The following FSTL4 variants were observed in gnomAD, a reference collection of about 807,000 sequenced individuals.
FSTL4 encodes follistatin like 4.
FSTL4 carries 28 observed loss-of-function variants against 78.2 expected under a neutral mutation model. The observed-to-expected ratio is 0.36, with a 90% CI of 0.27 to 0.49. The LOEUF is 0.49. FSTL4 is among the 20% of genes least tolerant of loss of function. The pLI is 0.98. For missense variants in FSTL4, 922 were observed against 1,084.9 expected (o/e 0.85, Z 2.11); for synonymous variants, 422 against 440.5 (o/e 0.96, Z 0.53).
At chr5:133,247,132 G>A (rs1752061977) in intron 7 of FSTL4, 1 of 152,252 alleles carries the variant, frequency 6.6e-6, no homozygotes, top group Non-Finnish European at 1.5e-5. Context: ...TGCGGGGCTG[G>A]TGCTGCCCTG....
At chr5:133,394,661 G>A (rs190611545) in intron 4 of FSTL4, among the ~76,000 whole-genome samples, 17 of 152,330 alleles carry the variant, frequency 1.1e-4, no homozygotes, top group East Asian at 7.7e-4. Context: ...TGCGTGGCCC[G>A]AGCCTCCCCA....
chr5:133,472,905 C>A (rs1757852702), intron 3 of FSTL4, among the ~76,000 whole-genome samples: 1 of 152,232 alleles, frequency 6.6e-6, no homozygotes, highest in Admixed American at 6.5e-5. Flanking sequence ...GGCCTTGGTG[C>A]CTGTACTCCC....
chr5:133,797,032 G>A, the FSTL4 span, among the ~76,000 whole-genome samples: 1 of 152,074 alleles, frequency 6.6e-6, no homozygotes, highest in Non-Finnish European at 1.5e-5. Flanking sequence ...TCTTGTTAAT[G>A]GAAAAAGCAA....
chr5:133,700,436 A>ACACCACACCAAACCATCACACCAAGC, the FSTL4 span, among the ~76,000 whole-genome samples: 2 of 126,924 alleles, frequency 1.6e-5, no homozygotes. Context: ...ATCACACCAA[A>ACACCACACCAAACCATCACACCAAGC]CACCACACCA....
At chr5:133,281,768 G>T (rs1456653573) in intron 6 of FSTL4, among the ~76,000 whole-genome samples, 1 of 152,188 alleles carries the variant, frequency 6.6e-6, no homozygotes, top group Non-Finnish European at 1.5e-5. Flanking sequence ...ATGAAGAGGG[G>T]ATATAGATTT....
the FSTL4 span, among the ~76,000 whole-genome samples, chr5:133,775,868 T>C: frequency 1.3e-5 from 2 of 152,192 alleles, no homozygotes; most frequent in East Asian, 1.9e-4. Context: ...TAAAAGACGA[T>C]GGTGAAGGGA....
intron 3 of FSTL4, among the ~76,000 whole-genome samples, chr5:133,414,938 G>T (rs987427063): frequency 6.6e-6 from 1 of 152,158 alleles, no homozygotes; most frequent in East Asian, 1.9e-4. Flanking sequence ...CTATTAATGG[G>T]ATACAATGGA....
chr5:133,830,458 T>C, the FSTL4 span, among the ~76,000 whole-genome samples: 11 of 152,296 alleles, frequency 7.2e-5, no homozygotes, highest in Admixed American at 2.0e-4. Context: ...GGCACAGGGC[T>C]GGGGCAAGGC....
chr5:133,841,943 A>G, the FSTL4 span, among the ~76,000 whole-genome samples: 40 of 152,228 alleles, frequency 2.6e-4, no homozygotes, highest in Admixed American at 2.4e-3. Flanking sequence ...AAAGGGGTCT[A>G]GGGCTTACCT....
the FSTL4 span, among the ~76,000 whole-genome samples, chr5:133,791,077 C>T: frequency 6.6e-6 from 1 of 152,220 alleles, no homozygotes; most frequent in African/African-American, 2.4e-5. Flanking sequence ...AGCCACACTG[C>T]CTCCTTGCTG....
chr5:133,715,812 C>G, the FSTL4 span, among the ~76,000 whole-genome samples: 1 of 152,216 alleles, frequency 6.6e-6, no homozygotes, highest in Non-Finnish European at 1.5e-5. Context: ...GAAGGAGACT[C>G]TCATGCAGCC....
chr5:133,402,962 C>T (rs747118183), intron 3 of FSTL4, among the ~76,000 whole-genome samples: 18 of 152,332 alleles, frequency 1.2e-4, no homozygotes, highest in East Asian at 7.7e-4. Context: ...GGCAGGCAGG[C>T]GCCTGGCAGG....
rs969349107 is a variant in FSTL4, at chr5:133,347,949, C to T, written c.410-31297G>A. Among the ~76,000 whole-genome samples the T allele has an allele frequency of 2.0e-5, 3 of 152,150 alleles. No individual in the cohort carries two copies. The East Asian group carries it at 5.8e-4, about 29-fold the overall frequency. ...ACCTGAGAGACTAGCATATCCAGCC[C>T]CTCACTCAAAAGACAAGGAAACTGA... is the stretch of plus-strand genomic sequence containing the variant. On this transcript the variant is annotated intron_variant, in intron 4 of 15. Coordinates refer to ENST00000265342, the MANE Select transcript of FSTL4 (RefSeq NM_015082.2).
chr5:133,717,069 C>T, the FSTL4 span, among the ~76,000 whole-genome samples: 1 of 152,170 alleles, frequency 6.6e-6, no homozygotes, highest in African/African-American at 2.4e-5. Context: ...CTTCTGACTC[C>T]CATCACAGAG....
At chr5:133,683,406 C>T in the FSTL4 span, among the ~76,000 whole-genome samples, 151 of 152,208 alleles carry the variant, frequency 9.9e-4, 1 homozygote, top group East Asian at 0.023. Context: ...TATAGACAAA[C>T]GGATGTTTTA....
Position 133,312,635 on chromosome 5 carries a change from C to G in FSTL4, c.727+19G>C. 1 of 1,613,152 alleles carries G rather than the reference C, an allele frequency of 6.2e-7. No individual in the cohort carries two copies. Among genetic ancestry groups the G allele is most frequent in the African/African-American group, 1.3e-5 (1 of 75,022 alleles). On this transcript the variant is annotated intron_variant, in intron 6 of 15. Coordinates refer to ENST00000265342, the MANE Select transcript of FSTL4 (RefSeq NM_015082.2). ...GCACCTGCAGAAATAAGCCCTTTTC[C>G]CACTGGGACCCAACTTACGGAAGGC...
At chr5:133,404,352 G>C (rs954481141) in intron 3 of FSTL4, among the ~76,000 whole-genome samples, 1 of 152,206 alleles carries the variant, frequency 6.6e-6, no homozygotes, top group Non-Finnish European at 1.5e-5. Flanking sequence ...AGGTAACCAA[G>C]TGAGACTACC....
At chr5:133,256,128 A>G (rs1334544423) in intron 6 of FSTL4, among the ~76,000 whole-genome samples, 5 of 152,122 alleles carry the variant, frequency 3.3e-5, no homozygotes. Context: ...GCACATCAAT[A>G]TTTTTGACTG....
At chr5:133,243,274 A>G (rs1222614802) in intron 7 of FSTL4, among the ~76,000 whole-genome samples, 1 of 152,232 alleles carries the variant, frequency 6.6e-6, no homozygotes, top group African/African-American at 2.4e-5. Context: ...GGCTCTTTCA[A>G]GTCATTTGAA....
Sources: gnomAD v4.1 joint callset for allele counts (sites outside exome capture counted in the v4.1 genomes callset) on GRCh38, gnomAD v4.1.1 for gene constraint, MANE v1.5 for transcripts, NCBI Gene and HGNC (gene_info 2026-07-23, HGNC 2026-07-21) for gene names.